The following SCN4B variants were observed in gnomAD, a reference collection of about 807,000 sequenced individuals.
SCN4B encodes the protein sodium channel regulatory subunit beta-4.
In SCN4B, 20 loss-of-function variants were observed where a neutral mutation model predicts 19.6. That is an observed-to-expected ratio of 1.02 (90% CI 0.72 to 1.48). The LOEUF is 1.48. Ranked by LOEUF, SCN4B falls within the 40% of genes most tolerant of loss-of-function variation. The pLI is 0.00. For synonymous variants in SCN4B, 127 were observed against 122.8 expected (o/e 1.03, Z -0.22); for missense variants, 271 against 287.5 (o/e 0.94, Z 0.42).
chr11:118,133,477 T>G lies in SCN4B; in HGVS notation c.*3550A>C, dbSNP rs1323653820. 1 of 454,016 alleles carries G rather than the reference T, an allele frequency of 2.2e-6. No homozygotes were observed. Among genetic ancestry groups the G allele is most frequent in the East Asian group, 6.9e-5 (1 of 14,396 alleles). 28.1% of individuals were successfully genotyped at this position (454,016 alleles called of 1,614,324 possible). A position where few individuals can be genotyped will look rare whatever the true frequency, so the allele number is the denominator to read the frequency against. ...CAGACTGATTATATCCGTTCTGTGC[T>G]CGAACACAAGTCAGTGCTGGCTGTG... On this transcript the variant is annotated 3_prime_UTR_variant, in exon 5 of 5. Transcript: ENST00000324727.
Position 118,135,976 on chromosome 11 carries a change from G to C in SCN4B, c.*1051C>G, listed in dbSNP as rs1165760290. ...AAGAGAGTCCCTGAGGCGAAGGCAG[G>C]CCCTTGACCCAGGGCTGGGAAATGA... On this transcript the variant is annotated 3_prime_UTR_variant, in exon 5 of 5. Transcript: ENST00000324727. The C allele has an allele frequency of 2.2e-6, 1 of 453,266 alleles. No homozygotes were observed. Among genetic ancestry groups the C allele is most frequent in the South Asian group, 1.6e-5 (1 of 64,382 alleles). The allele number at this position is 453,266 out of a possible 1,614,324, so 28.1% of individuals were successfully genotyped here. A position where few individuals can be genotyped will look rare whatever the true frequency, so the allele number is the denominator to read the frequency against.
At position 118,144,037 on chromosome 11, in the gene SCN4B, C is replaced by T. The variant is rs762777113; in HGVS notation, c.259G>A (p.Glu87Lys). The change falls in exon 3 of 5, where the codon GAG becomes AAG. Residue 87 changes from glutamate to lysine, a missense_variant. Glu to Lys is a moderately conservative substitution (Grantham distance 56). Coordinates refer to ENST00000324727, the MANE Select transcript of SCN4B (RefSeq NM_174934.4). ...KILIEGTVKN[E>K]KSDPKVTLKD... ...AACGTCACCTTGGGGTCAGACTTCT[C>T]ATTCTTCACAGTCCCCTCTATGAGC... 3 of 1,613,680 alleles carry T rather than the reference C, an allele frequency of 1.9e-6. No homozygotes were observed. The African/African-American group carries it at 4.0e-5, about 22-fold the overall frequency.
chr11:118,139,228 A>G (rs1948064548), intron 4 of SCN4B, among the ~76,000 whole-genome samples: 1 of 151,204 alleles, frequency 6.6e-6, no homozygotes, highest in African/African-American at 2.4e-5. Context: ...TGTTCTCCAG[A>G]CAAGCCCACT....
At chr11:118,142,032 C>T (rs1449762389) in intron 3 of SCN4B, among the ~76,000 whole-genome samples, 2 of 152,246 alleles carry the variant, frequency 1.3e-5, no homozygotes, top group Non-Finnish European at 2.9e-5. Context: ...ATCCTGACAG[C>T]TCTAACTTTA....
intron 1 of SCN4B, 78 bp from the exon 2 acceptor site, chr11:118,145,307 A>C (rs754790386): frequency 4.4e-6 from 7 of 1,600,230 alleles, no homozygotes; most frequent in Middle Eastern, 3.7e-4. Flanking sequence ...GGCAGGGCGG[A>C]GTAGCTTGGC....
intron 4 of SCN4B, among the ~76,000 whole-genome samples, chr11:118,138,701 G>A (rs1948056096): frequency 6.6e-6 from 1 of 152,190 alleles, no homozygotes; most frequent in Admixed American, 6.5e-5. Context: ...TAACAGGATG[G>A]GGGATGTAGG....
intron 3 of SCN4B, chr11:118,142,702 T>C (rs761418807): frequency 3.9e-5 from 6 of 152,164 alleles, no homozygotes; most frequent in Non-Finnish European, 5.9e-5. Context: ...AATGAATCCA[T>C]ACAGATGGAG....
chr11:118,133,942 A>G lies in SCN4B; in HGVS notation c.*3085T>C, dbSNP rs1947953112. ...CTCAAATGTCCAGCATCTGCCCATC[A>G]TGCATCACCCCTTACATGCAGAGCC... On this transcript the variant is annotated 3_prime_UTR_variant, in exon 5 of 5. Coordinates refer to ENST00000324727, the MANE Select transcript of SCN4B (RefSeq NM_174934.4). 2.2e-6 allele frequency: 1 copy of G among 454,454 alleles called. No homozygotes were observed. Among genetic ancestry groups the G allele is most frequent in the African/African-American group, 2.0e-5 (1 of 50,000 alleles). 28.2% of individuals were successfully genotyped at this position (454,454 alleles called of 1,614,324 possible).
At position 118,148,536 on chromosome 11, in the gene SCN4B, C is replaced by T. The variant is rs1255475366; in HGVS notation, c.62-3307G>A. ...ACATCCGGTGTGCATATCCCCAAGCCAGGGCAGGGATGCCTCTTTCCTACT... is the reference window on the plus strand; with the variant it reads ...ACATCCGGTGTGCATATCCCCAAGCTAGGGCAGGGATGCCTCTTTCCTACT... On this transcript the variant is annotated intron_variant, in intron 1 of 4. Transcript: ENST00000324727. The surrounding 1 kb of genome is among the most constrained non-coding windows in gnomAD (Gnocchi z 4.0). Among the ~76,000 whole-genome samples, 2 of 152,214 alleles carry T rather than the reference C, an allele frequency of 1.3e-5. No individual in the cohort carries two copies. The highest frequency in any genetic ancestry group is 4.8e-5 in the African/African-American group (2 of 41,450).
At chr11:118,150,612 A>G (rs1228613376) in intron 1 of SCN4B, among the ~76,000 whole-genome samples, 2 of 152,234 alleles carry the variant, frequency 1.3e-5, no homozygotes, top group Admixed American at 6.5e-5. Context: ...TCAATTGGCC[A>G]TGAGCCCCTA....
rs1335871467 is a variant in SCN4B, at chr11:118,136,017, G to A, written c.*1010C>T. ...TGGGAAATGAACCACCCTGGGGGCA[G>A]GGCGTGATGGAGGGCACGGTGGGGG... On this transcript the variant is annotated 3_prime_UTR_variant, in exon 5 of 5. Transcript: ENST00000324727. The A allele has an allele frequency of 7.0e-5, 31 of 440,280 alleles. No homozygotes were observed. In the Admixed American group the frequency reaches 7.5e-4, roughly 11 times the overall value. 27.3% of individuals were successfully genotyped at this position (440,280 alleles called of 1,614,324 possible).
In SCN4B at chr11:118,152,809, T is replaced by G; in HGVS notation, c.-136A>C. 1.7e-6 allele frequency: 1 copy of G among 588,744 alleles called. No individual in the cohort carries two copies. The highest frequency in any genetic ancestry group is 2.9e-5 in the South Asian group (1 of 34,940). The allele number at this position is 588,744 out of a possible 1,614,324, so 36.5% of individuals were successfully genotyped here. On this transcript the variant is annotated 5_prime_UTR_variant, in exon 1 of 5. Transcript: ENST00000324727. The stretch of plus-strand genomic sequence containing the variant: ...GCCGCCGGTCGGGGCTCGGGAAAGT[T>G]AGCGGGCAGAGAGCGAGAGGAGGGG...
Position 118,144,032 on chromosome 11 carries a change from C to A in SCN4B, c.264G>T (p.Lys88Asn), listed in dbSNP as rs1255734652. ...ILIEGTVKNE[K>N]SDPKVTLKDD... ...CTTTCAACGTCACCTTGGGGTCAGACTTCTCATTCTTCACAGTCCCCTCTA... is the reference window on the plus strand; with the variant it reads ...CTTTCAACGTCACCTTGGGGTCAGAATTCTCATTCTTCACAGTCCCCTCTA... Residue 88 changes from lysine to asparagine, a missense_variant, in exon 3 of 5, where the codon AAG (lysine) becomes AAT (asparagine). By Grantham distance (94) the Lys-to-Asn change is moderately conservative. Coordinates refer to ENST00000324727, the MANE Select transcript of SCN4B (RefSeq NM_174934.4). 4.3e-6 allele frequency: 7 copies of A among 1,613,736 alleles called. No individual in the cohort carries two copies. The Admixed American group carries it at 6.7e-5, about 15-fold the overall frequency.
At position 118,133,745 on chromosome 11, in the gene SCN4B, C is replaced by G. The variant is rs1947950260; in HGVS notation, c.*3282G>C. On this transcript the variant is annotated 3_prime_UTR_variant, in exon 5 of 5. Transcript: ENST00000324727. The stretch of plus-strand genomic sequence containing the variant: ...AAGTTATAGGATTTTCCCGAGAAGT[C>G]CCCGCTCCTGGAACTCCCTACTGCC... 1 of 454,548 alleles carries G rather than the reference C, an allele frequency of 2.2e-6. No individual in the cohort carries two copies. The highest frequency in any genetic ancestry group is 4.4e-6 in the Non-Finnish European group (1 of 226,796). The allele number at this position is 454,548 out of a possible 1,614,324, so 28.2% of individuals were successfully genotyped here.
rs1036649844 is a variant in SCN4B at position 118,134,895 on chromosome 11, A to G, written c.*2132T>C. The G allele has an allele frequency of 2.6e-5, 12 of 453,974 alleles. No homozygotes were observed. Among genetic ancestry groups the G allele is most frequent in the Non-Finnish European group, 4.9e-5 (11 of 226,788 alleles). 28.1% of individuals were successfully genotyped at this position (453,974 alleles called of 1,614,324 possible). ...ATTATTACACCCATTTGGTAGATGG[A>G]AAGAGCTGAGCTGAGAGAAGCTGCA... is the stretch of plus-strand genomic sequence containing the variant. On this transcript the variant is annotated 3_prime_UTR_variant, in exon 5 of 5. Transcript: ENST00000324727.
At chr11:118,143,358 C>A in intron 3 of SCN4B, among the ~76,000 whole-genome samples, 1 of 152,218 alleles carries the variant, frequency 6.6e-6, no homozygotes, top group East Asian at 1.9e-4. Context: ...GCATCATGTT[C>A]TGCCCATTCT....
rs1220647087 is a variant in SCN4B, at chr11:118,147,789, GGGCACCAA to G, written c.62-2568_62-2561del. Among the ~76,000 whole-genome samples, 10 of 152,284 alleles carry G rather than the reference GGGCACCAA, an allele frequency of 6.6e-5. No individual in the cohort carries two copies. The East Asian group carries it at 1.9e-3, about 29-fold the overall frequency. On this transcript the variant is annotated intron_variant, in intron 1 of 4. Transcript: ENST00000324727. Reference sequence around the variant, plus strand: ...TCCTGATAGCTAATGGCCTCCCTCAGGGCACCAAGGAGTGTGGCAGCTCCTCCTCATCA... The same window carrying G: ...TCCTGATAGCTAATGGCCTCCCTCAGGGAGTGTGGCAGCTCCTCCTCATCA...
rs1166861888 is a variant in SCN4B at position 118,133,828 on chromosome 11, C to CAGG, written c.*3196_*3198dup. The CAGG allele has an allele frequency of 2.2e-6, 1 of 454,398 alleles. No homozygotes were observed. The highest frequency in any genetic ancestry group is 2.3e-5 in the Admixed American group (1 of 42,554). 28.1% of individuals were successfully genotyped at this position (454,398 alleles called of 1,614,324 possible). ...GATGAAGTCATGGAGTGACGGAATGCAGGAGCACGGCTGGTCTTCTCTGCC... is the reference window on the plus strand; with the variant it reads ...GATGAAGTCATGGAGTGACGGAATGCAGGAGGAGCACGGCTGGTCTTCTCTGCC... On this transcript the variant is annotated 3_prime_UTR_variant, in exon 5 of 5. Coordinates refer to ENST00000324727, the MANE Select transcript of SCN4B (RefSeq NM_174934.4).
intron 1 of SCN4B, among the ~76,000 whole-genome samples, chr11:118,147,820 T>G (rs948462433): frequency 2.0e-5 from 3 of 152,106 alleles, no homozygotes; most frequent in Non-Finnish European, 4.4e-5. Flanking sequence ...CTCCTCCTCA[T>G]CAGCATACCG....
Sources: allele counts gnomAD v4.1 joint callset (sites outside exome capture counted in the v4.1 genomes callset), GRCh38; gene constraint gnomAD v4.1.1; non-coding constraint Gnocchi (gnomAD v3.1); transcripts MANE v1.5; gene names NCBI Gene and HGNC (gene_info 2026-07-23, HGNC 2026-07-21).